The following SUGT1 variants were observed in gnomAD, a reference collection of about 807,000 sequenced individuals.
The protein encoded by SUGT1 is SGT1 assembly cochaperone of MIS12 kinetochore complex, also known as protein SGT1 homolog.
Under a neutral mutation model 56.1 loss-of-function variants are expected in SUGT1, and 15 were observed. That is an observed-to-expected ratio of 0.27 (90% CI 0.18 to 0.41). SUGT1 has a LOEUF of 0.41. SUGT1 is among the 10% of genes least tolerant of loss of function. The pLI is 1.00. For missense variants in SUGT1, 347 were observed against 382.2 expected, an observed-to-expected ratio of 0.91 and a Z score of 0.77; for synonymous variants, 123 against 128.6, an observed-to-expected ratio of 0.96 and a Z score of 0.30.
intron 8 of SUGT1, 104 bp downstream of exon 8, chr13:52,664,161 T>A: frequency 8.3e-7 from 1 of 1,205,556 alleles, no homozygotes; most frequent in Non-Finnish European, 1.2e-6. Context: ...GATTTTTAAG[T>A]TTTTGTTTGT....
chr13:52,678,580 G>A (rs1963242835), intron 11 of SUGT1, among the ~76,000 whole-genome samples: 1 of 152,108 alleles, frequency 6.6e-6, no homozygotes, highest in South Asian at 2.1e-4. Flanking sequence ...CTTGAAATAT[G>A]ACTAGTCTGC....
rs1963671658 is a variant in SUGT1 at position 52,688,314 on chromosome 13, TTTTCTTAAGTTTTTA to T, written c.*480_*494del. On this transcript the variant is annotated 3_prime_UTR_variant, in exon 13 of 13. Transcript: ENST00000310528. ...ATGAAGATGTTTGGTTTATTTACCTTTTTCTTAAGTTTTTAATGAGAACTTTGAGAAATTATCACA... is the reference window on the plus strand; with the variant it reads ...ATGAAGATGTTTGGTTTATTTACCTTATGAGAACTTTGAGAAATTATCACA... 1 of 152,624 alleles carries T rather than the reference TTTTCTTAAGTTTTTA, an allele frequency of 6.6e-6. No homozygotes were observed. Among genetic ancestry groups the T allele is most frequent in the African/African-American group, 2.4e-5 (1 of 41,462 alleles). The allele number at this position is 152,624 out of a possible 1,614,324, so 9.5% of individuals were successfully genotyped here. A position where few individuals can be genotyped will look rare whatever the true frequency, so the allele number is the denominator to read the frequency against.
At chr13:52,670,432 A>G (rs1055207416) in intron 10 of SUGT1, among the ~76,000 whole-genome samples, 7 of 152,210 alleles carry the variant, frequency 4.6e-5, no homozygotes, top group Admixed American at 6.5e-5. Flanking sequence ...TTCTCTGGTC[A>G]CAGTCTCAGA....
chr13:52,672,344 C>A (rs890988125), intron 10 of SUGT1, among the ~76,000 whole-genome samples: 1 of 152,154 alleles, frequency 6.6e-6, no homozygotes, highest in African/African-American at 2.4e-5. Context: ...GAGGCTGTGT[C>A]CTTATGTACC....
Position 52,669,836 on chromosome 13 carries a change from A to C in SUGT1, c.627+2917A>C, listed in dbSNP as rs184951877. On this transcript the variant is annotated intron_variant, in intron 10 of 12. Coordinates refer to ENST00000310528, the MANE Select transcript of SUGT1 (RefSeq NM_006704.5). ...GGGAAATAAATGATAAAATCTTTGA[A>C]TTTCCTTTTTCATACAGTAGAGGGA... Among the ~76,000 whole-genome samples the C allele has an allele frequency of 5.9e-3, 898 of 152,228 alleles. 27 individuals are homozygous for C. Among genetic ancestry groups the C allele is most frequent in the Admixed American group, 0.055 (833 of 15,278 alleles).
rs1240064259 is a variant in SUGT1 at position 52,666,901 on chromosome 13, T to A, written c.609T>A (p.Phe203Leu). ...LHPIIPEQST[F>L]KVLSTKIEIK... ...CTATAATACCAGAACAGAGCACGTT[T>A]AAAGTACTTTCAACAAAGGTAAGAC... The change falls in exon 10 of 13, where the codon TTT becomes TTA. Residue 203 changes from phenylalanine to leucine, a missense_variant. Coordinates refer to ENST00000310528, the MANE Select transcript of SUGT1 (RefSeq NM_006704.5). 2 of 1,611,454 alleles carry A rather than the reference T, an allele frequency of 1.2e-6. No individual in the cohort carries two copies. The highest frequency in any genetic ancestry group is 1.7e-6 in the Non-Finnish European group (2 of 1,178,764).
At chr13:52,687,097 T>G (rs1193866375) in intron 12 of SUGT1, 1 of 86,090 alleles carries the variant, frequency 1.2e-5, no homozygotes, top group African/African-American at 4.0e-5. Flanking sequence ...AAAAAAGAAA[T>G]GTCCAGATGG....
At chr13:52,653,008 G>A (rs1961978587) in intron 1 of SUGT1, 38 bp from the exon 2 acceptor site, 1 of 1,614,138 alleles carries the variant, frequency 6.2e-7, no homozygotes, top group Non-Finnish European at 8.5e-7. Flanking sequence ...CCTTTCCTTG[G>A]CTAGTGAGCC....
rs1961966852 is a variant in SUGT1, at chr13:52,652,868, G to A, written c.-53G>A. 6.3e-7 allele frequency: 1 copy of A among 1,595,938 alleles called. No homozygotes were observed. Among genetic ancestry groups the A allele is most frequent in the Admixed American group, 1.8e-5 (1 of 55,700 alleles). On this transcript the variant is annotated 5_prime_UTR_variant, in exon 1 of 13. Coordinates refer to ENST00000310528, the MANE Select transcript of SUGT1 (RefSeq NM_006704.5). ...AGTTTCCCCCTTGGGCGGTGGTGGA[G>A]GTGGTAACCGTGATAGTAGCAGCTC...
chr13:52,666,769 T>G (rs751779153), intron 9 of SUGT1, 43 bp from the exon 10 acceptor site: 10 of 1,305,370 alleles, frequency 7.7e-6, no homozygotes, highest in South Asian at 7.2e-5. Flanking sequence ...TACCCTCCAT[T>G]ATATACATTT....
At position 52,700,203 on chromosome 13, in the gene SUGT1, G is replaced by A. The variant is rs1162778211; in HGVS notation, c.*12368G>A. The A allele has an allele frequency of 6.6e-6, 1 of 152,104 alleles. No homozygotes were observed. The highest frequency in any genetic ancestry group is 1.9e-4 in the East Asian group (1 of 5,188). 9.4% of individuals were successfully genotyped at this position (152,104 alleles called of 1,614,324 possible). A position where few individuals can be genotyped will look rare whatever the true frequency, so the allele number is the denominator to read the frequency against. On this transcript the variant is annotated 3_prime_UTR_variant, in exon 13 of 13. Transcript: ENST00000310528. ...TCCCATTACTGATTTTTATTCCTCTGTGATAACATACACCCAAATAAAGAC... is the reference window on the plus strand; with the variant it reads ...TCCCATTACTGATTTTTATTCCTCTATGATAACATACACCCAAATAAAGAC...
At chr13:52,655,049 A>G (rs1177004767) in intron 2 of SUGT1, among the ~76,000 whole-genome samples, 1 of 152,198 alleles carries the variant, frequency 6.6e-6, no homozygotes, top group East Asian at 1.9e-4. Flanking sequence ...TCACCTGGCA[A>G]TTCATTAGAA....
rs945977407 is a variant in SUGT1 at position 52,682,480 on chromosome 13, C to T, written c.900+2325C>T. ...CTTCCTGAAGTGCTAGAGTTACAGG[C>T]GTGAGCCACAGCACCTGGCCTACAT... is the stretch of plus-strand genomic sequence containing the variant. On this transcript the variant is annotated intron_variant, in intron 12 of 12. Transcript: ENST00000310528. Among the ~76,000 whole-genome samples, 13 of 152,184 alleles carry T rather than the reference C, an allele frequency of 8.5e-5. No homozygotes were observed. In the East Asian group the frequency reaches 2.1e-3, roughly 25 times the overall value.
intron 8 of SUGT1, among the ~76,000 whole-genome samples, 172 bp from the exon 9 acceptor site, chr13:52,665,465 G>A (rs1216096076): frequency 6.6e-6 from 1 of 151,724 alleles, no homozygotes; most frequent in Non-Finnish European, 1.5e-5. Context: ...TTTTCCATTA[G>A]TACAGAGCAT....
intron 2 of SUGT1, among the ~76,000 whole-genome samples, chr13:52,655,728 G>A (rs1011240509): frequency 3.9e-5 from 6 of 152,224 alleles, no homozygotes; most frequent in Admixed American, 3.9e-4. Context: ...CCTTCAGCAT[G>A]GGGGAATAGG....
intron 10 of SUGT1, among the ~76,000 whole-genome samples, chr13:52,668,916 C>T (rs1962824309): frequency 6.6e-6 from 1 of 151,530 alleles, no homozygotes; most frequent in Non-Finnish European, 1.5e-5. Flanking sequence ...GACTTAAGAA[C>T]TTGTATTACT....
chr13:52,653,104 G>A lies in SUGT1; in HGVS notation c.96+1G>A. Reference sequence around the variant, plus strand: ...CGAGGACCCCCAGGCGGCGTTAGAGGTGAGAGAGCCCATTTCTGCTTCCTC... The same window carrying A: ...CGAGGACCCCCAGGCGGCGTTAGAGATGAGAGAGCCCATTTCTGCTTCCTC... On this transcript the variant is annotated splice_donor_variant, in intron 2 of 12. Transcript: ENST00000310528. LOFTEE classifies it high-confidence loss of function. 1.2e-6 allele frequency: 2 copies of A among 1,614,146 alleles called. No homozygotes were observed. Among genetic ancestry groups the A allele is most frequent in the Non-Finnish European group, 1.7e-6 (2 of 1,180,038 alleles).
chr13:52,670,522 A>G (rs1046264638), intron 10 of SUGT1, among the ~76,000 whole-genome samples: 1 of 152,300 alleles, frequency 6.6e-6, no homozygotes, highest in Admixed American at 6.5e-5. Context: ...TTTAGAATTC[A>G]CAAGTCGGGC....
intron 5 of SUGT1, 35 bp downstream of exon 5, chr13:52,659,284 C>T: frequency 1.6e-6 from 2 of 1,284,830 alleles, no homozygotes; most frequent in African/African-American, 1.6e-5. Context: ...ATAAACTTAT[C>T]TATTTCTGTC....
Sources: gnomAD v4.1 joint callset for allele counts (sites outside exome capture counted in the v4.1 genomes callset) on GRCh38, gnomAD v4.1.1 for gene constraint, MANE v1.5 for transcripts, NCBI Gene and HGNC (gene_info 2026-07-23, HGNC 2026-07-21) for gene names.